The following GALNTL6 variants were observed in gnomAD, a reference collection of about 807,000 sequenced individuals.
The protein encoded by GALNTL6 is polypeptide N-acetylgalactosaminyltransferase like 6, also known as polypeptide N-acetylgalactosaminyltransferase-like 6.
GALNTL6 carries 46 observed loss-of-function variants against 73.7 expected under a neutral mutation model. That is an observed-to-expected ratio of 0.62 (90% CI 0.49 to 0.80). The LOEUF is 0.80. Ranked by LOEUF, GALNTL6 falls within the 30% of genes least tolerant of loss-of-function variation. The pLI is 0.00. For synonymous variants in GALNTL6, 259 were observed against 263.7 expected, an observed-to-expected ratio of 0.98 and a Z score of 0.17; for missense variants, 604 against 755.0, an observed-to-expected ratio of 0.80 and a Z score of 2.34.
intron 3 of GALNTL6, among the ~76,000 whole-genome samples, chr4:172,287,489 A>G (rs1034510141): frequency 2.6e-5 from 4 of 152,238 alleles, no homozygotes; most frequent in African/African-American, 9.6e-5. Context: ...TATACATTAC[A>G]CACATTATAA....
chr4:172,162,033 A>G (rs972819519), intron 2 of GALNTL6, among the ~76,000 whole-genome samples: 6 of 152,198 alleles, frequency 3.9e-5, no homozygotes, highest in Non-Finnish European at 7.4e-5. Context: ...GGATAAGAGC[A>G]TCAACGAAGT....
In GALNTL6 at chr4:172,793,045, T is replaced by C. The variant is rs1267007091; in HGVS notation, c.554-16316T>C. 2.0e-5 allele frequency among the ~76,000 whole-genome samples: 3 copies of C among 152,150 alleles called. No individual in the cohort carries two copies. In the East Asian group the frequency reaches 5.8e-4, roughly 29 times the overall value. On this transcript the variant is annotated intron_variant, in intron 5 of 12. Transcript: ENST00000506823. ...CCCATGTGAAAACTTACTATATCCC[T>C]GCTTATACTACAGCCTACAAGACTC...
intron 2 of GALNTL6, among the ~76,000 whole-genome samples, chr4:171,904,196 A>G (rs1387390836): frequency 6.6e-6 from 1 of 152,164 alleles, no homozygotes; most frequent in Admixed American, 6.5e-5. Context: ...AAATTACTCC[A>G]AGCTACAGGA....
At position 171,875,746 on chromosome 4, in the gene GALNTL6, T is replaced by A. The variant is rs141133576; in HGVS notation, c.138+61028T>A. Among the ~76,000 whole-genome samples the A allele has an allele frequency of 2.9e-4, 43 of 150,480 alleles. No individual in the cohort carries two copies. The East Asian group carries it at 8.2e-3, about 29-fold the overall frequency. On this transcript the variant is annotated intron_variant, in intron 2 of 12. Coordinates refer to ENST00000506823, the MANE Select transcript of GALNTL6 (RefSeq NM_001034845.3). ...TTGGGTGTTGCTTTCTGCATAGGAA[T>A]TTTCCCTCCTTTCTGCTCATATCTA...
At chr4:172,957,667 C>T (rs1749813956) in intron 10 of GALNTL6, among the ~76,000 whole-genome samples, 1 of 152,130 alleles carries the variant, frequency 6.6e-6, no homozygotes, top group African/African-American at 2.4e-5. Flanking sequence ...ATAGAGGACA[C>T]TTGTGTAGTG....
At chr4:172,568,675 G>C (rs923286656) in intron 5 of GALNTL6, among the ~76,000 whole-genome samples, 1 of 140,964 alleles carries the variant, frequency 7.1e-6, no homozygotes, top group Middle Eastern at 3.7e-3. Context: ...GGAGAATGGC[G>C]TGAACCCGGG....
intron 10 of GALNTL6, among the ~76,000 whole-genome samples, chr4:172,970,901 T>A (rs1750551793): frequency 6.6e-6 from 1 of 152,228 alleles, no homozygotes; most frequent in African/African-American, 2.4e-5. Context: ...TTTGGGGAAC[T>A]GATAAATGTC....
At chr4:172,737,772 T>C (rs1185918043) in intron 5 of GALNTL6, among the ~76,000 whole-genome samples, 1 of 152,212 alleles carries the variant, frequency 6.6e-6, no homozygotes, top group Non-Finnish European at 1.5e-5. Flanking sequence ...ATACATTTGC[T>C]TAGCAATTCT....
intron 9 of GALNTL6, among the ~76,000 whole-genome samples, chr4:172,950,163 G>A (rs955399120): frequency 3.9e-5 from 6 of 152,108 alleles, no homozygotes; most frequent in African/African-American, 1.2e-4. Flanking sequence ...AGGCAATTCC[G>A]AATTGGTGGC....
chr4:172,522,068 T>C (rs377007136), intron 5 of GALNTL6, among the ~76,000 whole-genome samples: 1 of 152,202 alleles, frequency 6.6e-6, no homozygotes, highest in East Asian at 1.9e-4. Context: ...GGACTCAATA[T>C]AGAGAATGTG....
intron 2 of GALNTL6, among the ~76,000 whole-genome samples, chr4:172,005,742 T>G (rs1317417881): frequency 6.6e-6 from 1 of 152,206 alleles, no homozygotes; most frequent in African/African-American, 2.4e-5. Flanking sequence ...CCAGGAATTT[T>G]AAACTGTGGG....
At chr4:172,564,661 T>C (rs974341077) in intron 5 of GALNTL6, among the ~76,000 whole-genome samples, 11 of 152,214 alleles carry the variant, frequency 7.2e-5, no homozygotes, top group Admixed American at 7.2e-4. Flanking sequence ...CTCAATTATA[T>C]AGTTCTTGGT....
chr4:173,018,706 T>A (rs1032780621), intron 11 of GALNTL6, among the ~76,000 whole-genome samples: 1 of 152,180 alleles, frequency 6.6e-6, no homozygotes, highest in African/African-American at 2.4e-5. Context: ...GGGATTTACG[T>A]GAACACGGCA....
At chr4:172,606,024 T>C (rs1478103678) in intron 5 of GALNTL6, among the ~76,000 whole-genome samples, 9 of 151,974 alleles carry the variant, frequency 5.9e-5, no homozygotes, top group Non-Finnish European at 1.2e-4. Context: ...CCCCAGTCCA[T>C]TGTGGGCAGT....
intron 5 of GALNTL6, among the ~76,000 whole-genome samples, chr4:172,464,419 C>T (rs6821570): frequency 0.75 from 114,048 of 151,938 alleles, 43,267 homozygotes; most frequent in African/African-American, 0.86. Context: ...TAATTCAAGC[C>T]GAATGAGGCC....
chr4:172,917,200 G>A (rs530333637), intron 8 of GALNTL6, among the ~76,000 whole-genome samples: 1 of 152,274 alleles, frequency 6.6e-6, no homozygotes, highest in Admixed American at 6.5e-5. Context: ...GCCATATGCA[G>A]GAAGCTGAAA....
intron 5 of GALNTL6, among the ~76,000 whole-genome samples, chr4:172,777,491 G>T (rs959623138): frequency 6.6e-6 from 1 of 152,184 alleles, no homozygotes; most frequent in African/African-American, 2.4e-5. Flanking sequence ...ACTTATTGTT[G>T]TAAAGTTGAA....
At chr4:172,600,553 C>A (rs1579229532) in intron 5 of GALNTL6, among the ~76,000 whole-genome samples, 1 of 152,114 alleles carries the variant, frequency 6.6e-6, no homozygotes, top group East Asian at 1.9e-4. Flanking sequence ...AGGGATCCCT[C>A]TAAGGATTTT....
intron 2 of GALNTL6, among the ~76,000 whole-genome samples, chr4:172,035,006 A>G (rs1454074322): frequency 6.6e-6 from 1 of 152,124 alleles, no homozygotes; most frequent in Non-Finnish European, 1.5e-5. Context: ...GGTGAAAATC[A>G]TGTTACTGTC....
Sources: gnomAD v4.1 joint callset for allele counts (sites outside exome capture counted in the v4.1 genomes callset) on GRCh38, gnomAD v4.1.1 for gene constraint, MANE v1.5 for transcripts, NCBI Gene and HGNC (gene_info 2026-07-23, HGNC 2026-07-21) for gene names.